ATF7IP: variants seen among roughly 807,000 people sequenced by gnomAD.
ATF7IP encodes the protein activating transcription factor 7 interacting protein.
A neutral mutation model predicts 106.4 loss-of-function variants in ATF7IP; 23 were observed. The observed-to-expected ratio is 0.22, with a 90% CI of 0.16 to 0.31. The LOEUF (loss-of-function observed/expected upper bound fraction) is 0.31, where lower values mean the gene tolerates loss of function less well. Among genes scored for constraint, ATF7IP ranks in the 10% least tolerant of loss-of-function variants. ATF7IP has a pLI of 1.00. For missense variants in ATF7IP, 1,334 were observed against 1,524.3 expected (o/e 0.88, Z 2.08); for synonymous variants, 542 against 539.0 (o/e 1.01, Z -0.08).
At chr12:14,487,695 A>G (rs1208421396) in intron 13 of ATF7IP, among the ~76,000 whole-genome samples, 3 of 152,142 alleles carry the variant, frequency 2.0e-5, no homozygotes, top group Non-Finnish European at 4.4e-5. Context: ...TTTTTCTACA[A>G]TTTCAGCTCT....
Position 14,478,343 on chromosome 12 carries a change from G to T in ATF7IP, c.2968G>T (p.Val990Leu). The T allele has an allele frequency of 1.2e-6, 2 of 1,613,932 alleles. No homozygotes were observed. The highest frequency in any genetic ancestry group is 1.7e-6 in the Non-Finnish European group (2 of 1,179,910). Reference protein sequence around the residue: ...QDPKKLNHTPVSTMSSSQPVS... With the variant: ...QDPKKLNHTPLSTMSSSQPVS... ...CCCCAAAAAACTAAATCACACTCCTGTATCAACCATGAGTTCTTCTCAGCC... is the reference window on the plus strand; with the variant it reads ...CCCCAAAAAACTAAATCACACTCCTTTATCAACCATGAGTTCTTCTCAGCC... The change falls in exon 12 of 15, where the codon GTA (valine) becomes TTA (leucine). Residue 990 changes from valine (V) to leucine (L), a missense_variant. By Grantham distance (32) the Val-to-Leu change is conservative (BLOSUM62 1). This residue lies in a region of ATF7IP where 370 missense variants were observed against 401.2 expected (regional missense o/e 0.92). Coordinates refer to ENST00000261168, the MANE Select transcript of ATF7IP (RefSeq NM_018179.5).
chr12:14,404,880 A>C (rs907946094), intron 1 of ATF7IP, among the ~76,000 whole-genome samples: 2 of 152,154 alleles, frequency 1.3e-5, no homozygotes, highest in African/African-American at 4.8e-5. Context: ...AAAGTATAGA[A>C]TTTTTGGTCA....
chr12:14,475,856 T>G, intron 10 of ATF7IP, 34 bp from the exon 11 acceptor site: 1 of 1,570,724 alleles, frequency 6.4e-7, no homozygotes, highest in Non-Finnish European at 8.7e-7. Context: ...CTGCCAGAGT[T>G]TTCTTTGTAA....
intron 5 of ATF7IP, among the ~76,000 whole-genome samples, chr12:14,440,609 G>GT (rs1337511691): frequency 6.7e-6 from 1 of 148,668 alleles, no homozygotes; most frequent in Non-Finnish European, 1.5e-5. Context: ...CCAGTATTTT[G>GT]TTTTTTTATG....
At chr12:14,415,392 A>C (rs1208708265) in intron 1 of ATF7IP, among the ~76,000 whole-genome samples, 2 of 152,226 alleles carry the variant, frequency 1.3e-5, no homozygotes, top group African/African-American at 4.8e-5. Flanking sequence ...TGCAACAAGA[A>C]GTTAGATTGT....
chr12:14,403,300 AG>A (rs941793048), intron 1 of ATF7IP, among the ~76,000 whole-genome samples: 2 of 152,144 alleles, frequency 1.3e-5, no homozygotes, highest in African/African-American at 4.8e-5. Context: ...AAATTATTAG[AG>A]GTGTTTAAAA....
chr12:14,425,584 T>C (rs1408540712), intron 2 of ATF7IP, 111 bp downstream of exon 2: 15 of 1,137,050 alleles, frequency 1.3e-5, no homozygotes, highest in Non-Finnish European at 1.2e-6. Context: ...AAGTTGAGAA[T>C]GGTGATGACT....
At chr12:14,420,569 C>T (rs111305364) in intron 1 of ATF7IP, 7,305 of 152,204 alleles carry the variant, frequency 0.048, 189 homozygotes, top group Non-Finnish European at 0.059. Context: ...GTGGAGCTTG[C>T]GGTGAGCCGA....
rs895256272 is a variant in ATF7IP, at chr12:14,376,850, C to T, written c.-8+11023C>T. On this transcript the variant is annotated intron_variant, in intron 1 of 14. Transcript: ENST00000261168. ...CTGAGGCAGGAGAATCGTTTGAATCCGGAAGGCAGAGGTTGCAGTGAGCCA... is the reference window on the plus strand; with the variant it reads ...CTGAGGCAGGAGAATCGTTTGAATCTGGAAGGCAGAGGTTGCAGTGAGCCA... Among the ~76,000 whole-genome samples, 8 of 152,044 alleles carry T rather than the reference C, an allele frequency of 5.3e-5. No homozygotes were observed. The South Asian group carries it at 6.2e-4, about 12-fold the overall frequency.
rs571607957 is a variant in ATF7IP at position 14,393,436 on chromosome 12, A to G, written c.-8+27609A>G. Among the ~76,000 whole-genome samples the G allele has an allele frequency of 2.6e-5, 4 of 152,246 alleles. 1 individual carries two copies. In the South Asian group the frequency reaches 8.3e-4, roughly 32 times the overall value. On this transcript the variant is annotated intron_variant, in intron 1 of 14. Coordinates refer to ENST00000261168, the MANE Select transcript of ATF7IP (RefSeq NM_018179.5). The stretch of plus-strand genomic sequence containing the variant: ...TTGTATCATTATATTTGTCCCTATC[A>G]CTTCATCTGCTGCTGGTGGGTCATA...
At chr12:14,394,704 G>A (rs569093136) in intron 1 of ATF7IP, among the ~76,000 whole-genome samples, 2 of 152,196 alleles carry the variant, frequency 1.3e-5, no homozygotes, top group Non-Finnish European at 2.9e-5. Flanking sequence ...GAACAGAGTT[G>A]ATACATTAGA....
chr12:14,366,794 C>G (rs1395076741), intron 1 of ATF7IP, among the ~76,000 whole-genome samples: 1 of 152,036 alleles, frequency 6.6e-6, no homozygotes, highest in Non-Finnish European at 1.5e-5. Context: ...AAAGAACATC[C>G]ATTACCCTGA....
At chr12:14,398,829 T>G (rs1011569452) in intron 1 of ATF7IP, among the ~76,000 whole-genome samples, 7 of 152,082 alleles carry the variant, frequency 4.6e-5, no homozygotes, top group African/African-American at 1.7e-4. Flanking sequence ...TACCCTTTTT[T>G]GTGGTACTAT....
chr12:14,424,414 A>G lies in ATF7IP; in HGVS notation c.499A>G (p.Ser167Gly). Residue 167 changes from serine to glycine, a missense_variant, in exon 2 of 15, where the codon AGT (serine) becomes GGT (glycine). By Grantham distance (56) the Ser-to-Gly change is moderately conservative. Coordinates refer to ENST00000261168, the MANE Select transcript of ATF7IP (RefSeq NM_018179.5). The stretch of plus-strand genomic sequence containing the variant: ...TCCCACCTCTAGCGAGCCCTCCTCT[A>G]GTGATGCTGCCTCTGGTGATGCAAC... ...GDPTSSEPSS[S>G]DAASGDATSG... The G allele has an allele frequency of 6.2e-7, 1 of 1,612,038 alleles. No individual in the cohort carries two copies. Among genetic ancestry groups the G allele is most frequent in the Non-Finnish European group, 8.5e-7 (1 of 1,179,282 alleles).
intron 1 of ATF7IP, among the ~76,000 whole-genome samples, chr12:14,404,959 G>T (rs868004626): frequency 4.6e-5 from 7 of 152,152 alleles, no homozygotes; most frequent in Admixed American, 1.3e-4. Flanking sequence ...TTTGGGTAAA[G>T]AACTCTGTGC....
intron 1 of ATF7IP, among the ~76,000 whole-genome samples, chr12:14,407,847 T>TA (rs1032911124): frequency 1.3e-4 from 20 of 152,178 alleles, no homozygotes; most frequent in Admixed American, 8.5e-4. Context: ...AAGTTTGTGT[T>TA]AAAAAAAGTA....
chr12:14,385,409 C>T (rs972630255), intron 1 of ATF7IP: 7 of 1,531,942 alleles, frequency 4.6e-6, no homozygotes, highest in South Asian at 1.2e-5. Flanking sequence ...AGGTAAGAAC[C>T]AATTACTCTT....
chr12:14,415,049 A>ATG (rs1332377419), intron 1 of ATF7IP, among the ~76,000 whole-genome samples: 1 of 152,142 alleles, frequency 6.6e-6, no homozygotes, highest in Non-Finnish European at 1.5e-5. Context: ...GATTACAAGT[A>ATG]TGTGCCACTG....
Position 14,497,659 on chromosome 12 carries a change from C to G in ATF7IP, c.3399C>G (p.Pro1133=), listed in dbSNP as rs779017533. The part of the protein sequence containing the change: ...HHRPPQVHTE[P]PRPVHPAPLP... ...AGTGTGACCTGTTTCTTCAGGAGCCCCCACGCCCCGTGCACCCAGCACCCT... is the reference window on the plus strand; with the variant it reads ...AGTGTGACCTGTTTCTTCAGGAGCCGCCACGCCCCGTGCACCCAGCACCCT... Residue 1133 remains proline, a synonymous_variant, in exon 15 of 15, where the codon CCC becomes CCG. Transcript: ENST00000261168. 7.4e-6 allele frequency: 12 copies of G among 1,612,288 alleles called. No homozygotes were observed. Among genetic ancestry groups the G allele is most frequent in the Non-Finnish European group, 8.5e-6 (10 of 1,178,884 alleles).
Sources: gnomAD v4.1 joint callset for allele counts (sites outside exome capture counted in the v4.1 genomes callset) on GRCh38, gnomAD v4.1.1 for gene constraint, gnomAD v4.1.1 regional missense constraint, MANE v1.5 for transcripts, NCBI Gene and HGNC (gene_info 2026-07-23, HGNC 2026-07-21) for gene names.